NUBPL: variants seen among roughly 807,000 people sequenced by gnomAD.
NUBPL encodes NUBP iron-sulfur cluster assembly factor, mitochondrial.
NUBPL carries 31 observed loss-of-function variants against 45.7 expected under a neutral mutation model. That is an observed-to-expected ratio of 0.68 (90% CI 0.51 to 0.92). The LOEUF (loss-of-function observed/expected upper bound fraction) is 0.92. Among genes scored for constraint, NUBPL ranks in the 40% least tolerant of loss-of-function variants. The pLI is 0.00. For synonymous variants in NUBPL, 144 were observed against 140.9 expected (o/e 1.02, Z -0.15); for missense variants, 401 against 398.7 (o/e 1.01, Z -0.05).
chr14:31,838,489 T>C (rs1292221974), intron 8 of NUBPL, among the ~76,000 whole-genome samples: 2 of 152,128 alleles, frequency 1.3e-5, no homozygotes, highest in African/African-American at 4.8e-5. Flanking sequence ...AAAATATATA[T>C]TGCATGATTC....
At chr14:31,578,738 G>A (rs981381813) in intron 3 of NUBPL, among the ~76,000 whole-genome samples, 1 of 152,134 alleles carries the variant, frequency 6.6e-6, no homozygotes, top group Admixed American at 6.6e-5. Context: ...CTTCCAAAAG[G>A]ACATAAGTCT....
intron 4 of NUBPL, among the ~76,000 whole-genome samples, chr14:31,603,950 A>T (rs1192648060): frequency 6.6e-6 from 1 of 152,192 alleles, no homozygotes; most frequent in Non-Finnish European, 1.5e-5. Flanking sequence ...TTAAAGTAAT[A>T]TGAAAACTAG....
At chr14:31,635,411 G>A (rs1384816828) in intron 4 of NUBPL, among the ~76,000 whole-genome samples, 4,323 of 149,710 alleles carry the variant, frequency 0.029, 91 homozygotes, top group African/African-American at 0.064. Flanking sequence ...GATATGCGAC[G>A]TTATTTCTGA....
At chr14:31,754,262 C>T (rs546747208) in intron 6 of NUBPL, among the ~76,000 whole-genome samples, 1 of 152,094 alleles carries the variant, frequency 6.6e-6, no homozygotes, top group Non-Finnish European at 1.5e-5. Context: ...AAGATCTAGG[C>T]AGCAATTATC....
intron 7 of NUBPL, among the ~76,000 whole-genome samples, chr14:31,815,196 G>A (rs113093561): frequency 1.3e-5 from 2 of 151,144 alleles, no homozygotes; most frequent in African/African-American, 4.9e-5. Flanking sequence ...CCATTTTTTT[G>A]TGTCCTCTCT....
chr14:31,650,021 G>A (rs1271760116), intron 4 of NUBPL, among the ~76,000 whole-genome samples: 11 of 151,712 alleles, frequency 7.3e-5, no homozygotes, highest in African/African-American at 1.7e-4. Context: ...CACCATGCCC[G>A]GCTAATTTTG....
intron 4 of NUBPL, among the ~76,000 whole-genome samples, chr14:31,605,176 A>G (rs1264423342): frequency 2.0e-5 from 3 of 152,216 alleles, no homozygotes; most frequent in East Asian, 1.9e-4. Flanking sequence ...TAGCCAAATT[A>G]TAGTCCTAGA....
At chr14:31,787,923 A>G (rs758555154) in intron 7 of NUBPL, 50 bp downstream of exon 7, 1 of 1,264,732 alleles carries the variant, frequency 7.9e-7, no homozygotes, top group South Asian at 1.2e-5. Flanking sequence ...ATGTGTTGTT[A>G]TTGCTATACC....
chr14:31,571,427 A>C (rs2033579673), intron 3 of NUBPL, among the ~76,000 whole-genome samples: 1 of 150,936 alleles, frequency 6.6e-6, no homozygotes, highest in Non-Finnish European at 1.5e-5. Context: ...AGCTCATTGA[A>C]GTGTTCCCTG....
chr14:31,798,330 G>A (rs1482559703), intron 7 of NUBPL, among the ~76,000 whole-genome samples: 2 of 113,476 alleles, frequency 1.8e-5, no homozygotes, highest in Non-Finnish European at 3.5e-5. Context: ...TTGCTGTGCT[G>A]TATATAATAT....
intron 3 of NUBPL, among the ~76,000 whole-genome samples, chr14:31,574,598 T>A (rs1196751328): frequency 7.1e-6 from 1 of 141,282 alleles, no homozygotes; most frequent in Non-Finnish European, 1.5e-5. Context: ...TTTTTTTTTT[T>A]TTTTTTTGGA....
intron 10 of NUBPL, among the ~76,000 whole-genome samples, chr14:31,856,024 A>G (rs2040612134): frequency 6.6e-6 from 1 of 152,218 alleles, no homozygotes; most frequent in African/African-American, 2.4e-5. Flanking sequence ...ATAAATATAT[A>G]ACTGTAAGCA....
At chr14:31,562,296 T>G in intron 2 of NUBPL, 81 bp downstream of exon 2, 1 of 1,355,210 alleles carries the variant, frequency 7.4e-7, no homozygotes, top group Non-Finnish European at 1.0e-6. Flanking sequence ...TATAGTTTTG[T>G]GTTTTAAAAA....
Position 31,859,199 on chromosome 14 carries a change from A to G in NUBPL, c.*19A>G. On this transcript the variant is annotated 3_prime_UTR_variant, in exon 11 of 11. Coordinates refer to ENST00000281081, the MANE Select transcript of NUBPL (RefSeq NM_025152.3). ...AGAATGATTCCCCAAGTGTCCTGGA[A>G]ATTTGCCTGGTACTGACATTAAGAG... 6.2e-7 allele frequency: 1 copy of G among 1,609,658 alleles called. No homozygotes were observed. The highest frequency in any genetic ancestry group is 8.5e-7 in the Non-Finnish European group (1 of 1,176,094).
At chr14:31,702,738 C>G (rs1366281023) in intron 6 of NUBPL, among the ~76,000 whole-genome samples, 1 of 152,176 alleles carries the variant, frequency 6.6e-6, no homozygotes, top group Admixed American at 6.5e-5. Flanking sequence ...ACTTTGAGGT[C>G]TACTAATTCT....
At chr14:31,640,944 T>C (rs904251393) in intron 4 of NUBPL, among the ~76,000 whole-genome samples, 9 of 121,210 alleles carry the variant, frequency 7.4e-5, no homozygotes, top group Admixed American at 1.8e-4. Flanking sequence ...TATTTCTTTT[T>C]GTTTTTTTGT....
intron 7 of NUBPL, among the ~76,000 whole-genome samples, chr14:31,802,289 T>C (rs918981824): frequency 1.6e-4 from 24 of 152,072 alleles, no homozygotes; most frequent in African/African-American, 3.1e-4. Flanking sequence ...CTTCTTCTTT[T>C]TTTTTTTGAC....
intron 3 of NUBPL, among the ~76,000 whole-genome samples, chr14:31,593,638 C>T (rs2034208002): frequency 6.7e-6 from 1 of 150,322 alleles, no homozygotes; most frequent in South Asian, 2.1e-4. Context: ...AATATAGATA[C>T]TAAGAAGAAA....
At chr14:31,743,441 G>A (rs892871586) in intron 6 of NUBPL, among the ~76,000 whole-genome samples, 11 of 151,974 alleles carry the variant, frequency 7.2e-5, no homozygotes, top group Non-Finnish European at 1.2e-4. Flanking sequence ...GTGCAGTGGC[G>A]CAATCTCGGC....
Sources: gnomAD v4.1 joint callset for allele counts (sites outside exome capture counted in the v4.1 genomes callset) on GRCh38, gnomAD v4.1.1 for gene constraint, MANE v1.5 for transcripts, NCBI Gene and HGNC (gene_info 2026-07-23, HGNC 2026-07-21) for gene names.